Variants in RPN2 observed in about 807,000 individuals in gnomAD.
RPN2 encodes ribophorin II.
In RPN2, 29 loss-of-function variants were observed where a neutral mutation model predicts 71.4. The observed-to-expected ratio is 0.41, with a 90% confidence interval of 0.30 to 0.55. The LOEUF is 0.55. Among genes scored for constraint, RPN2 ranks in the 20% least tolerant of loss-of-function variants. RPN2 has a pLI of 0.35. For missense variants in RPN2, 726 were observed against 774.1 expected (o/e 0.94, Z 0.74); for synonymous variants, 308 against 305.0 (o/e 1.01, Z -0.10).
chr20:37,183,470 G>A (rs1031369043), intron 1 of RPN2, among the ~76,000 whole-genome samples: 7 of 152,070 alleles, frequency 4.6e-5, no homozygotes, highest in Admixed American at 3.9e-4. Flanking sequence ...CACCTGCCTC[G>A]GCCTCCCAAA....
chr20:37,179,763 G>A (rs1033574260), intron 1 of RPN2, among the ~76,000 whole-genome samples: 16 of 152,224 alleles, frequency 1.1e-4, no homozygotes, highest in Non-Finnish European at 2.1e-4. Context: ...GTCCTTCTTT[G>A]TGCTGTAGTT....
At chr20:37,228,459 A>C in intron 11 of RPN2, 91 bp from the exon 12 acceptor site, 1 of 1,278,800 alleles carries the variant, frequency 7.8e-7, no homozygotes, top group Non-Finnish European at 1.1e-6. Context: ...ACAAAGCGCT[A>C]ATAACCGTCT....
intron 1 of RPN2, among the ~76,000 whole-genome samples, chr20:37,182,929 A>T (rs1274167742): frequency 6.6e-6 from 1 of 152,172 alleles, no homozygotes; most frequent in Admixed American, 6.5e-5. Flanking sequence ...GGCATCATAG[A>T]TGGGGATTAA....
intron 2 of RPN2, among the ~76,000 whole-genome samples, chr20:37,196,927 C>T (rs972536771): frequency 1.3e-5 from 2 of 152,030 alleles, no homozygotes; most frequent in Non-Finnish European, 2.9e-5. Context: ...CAGTGTGGTA[C>T]GTGCTTTGGG....
chr20:37,210,634 G>A (rs149656978), intron 8 of RPN2, among the ~76,000 whole-genome samples: 17 of 150,390 alleles, frequency 1.1e-4, no homozygotes, highest in African/African-American at 4.2e-4. Flanking sequence ...GGATTCTAGC[G>A]ATTCTCCTGC....
intron 16 of RPN2, 95 bp downstream of exon 16, chr20:37,236,804 G>A: frequency 7.6e-7 from 1 of 1,309,346 alleles, no homozygotes. Context: ...AAAATGATTT[G>A]TGTTCTTAGG....
chr20:37,225,264 C>CT (rs2068049993), intron 10 of RPN2, among the ~76,000 whole-genome samples: 2 of 152,296 alleles, frequency 1.3e-5, no homozygotes, highest in South Asian at 4.1e-4. Flanking sequence ...TGTCTCCTAC[C>CT]TGCCTTGTCT....
At chr20:37,209,718 A>G (rs1198157268) in intron 7 of RPN2, among the ~76,000 whole-genome samples, 1 of 152,026 alleles carries the variant, frequency 6.6e-6, no homozygotes. Flanking sequence ...TTTGGCATCA[A>G]GTGATCCTCC....
chr20:37,198,860 A>G lies in RPN2; in HGVS notation c.304-190A>G, dbSNP rs1017520911. ...ATAAGTAGAAAGGTAACTTGTCAGC[A>G]TCTTTTCACATGGGAGTGTTGTACC... On this transcript the variant is annotated intron_variant, in intron 3 of 16. Transcript: ENST00000237530. 1.4e-4 allele frequency among the ~76,000 whole-genome samples: 22 copies of G among 152,266 alleles called. No homozygotes were observed. In the South Asian group the frequency reaches 1.4e-3, roughly 10 times the overall value.
intron 4 of RPN2, among the ~76,000 whole-genome samples, chr20:37,199,949 A>C (rs933653699): frequency 2.0e-5 from 3 of 151,812 alleles, no homozygotes; most frequent in African/African-American, 7.3e-5. Flanking sequence ...TTCCTACCTC[A>C]GCCTCCCGAG....
chr20:37,181,194 A>C (rs2066864267), intron 1 of RPN2, among the ~76,000 whole-genome samples: 1 of 150,766 alleles, frequency 6.6e-6, no homozygotes, highest in South Asian at 2.1e-4. Context: ...GCGCCACTGC[A>C]CTCCAGCCTG....
chr20:37,236,812 A>T, intron 16 of RPN2, 103 bp downstream of exon 16: 1 of 1,232,876 alleles, frequency 8.1e-7, no homozygotes, highest in Non-Finnish European at 1.2e-6. Context: ...TTGTGTTCTT[A>T]GGGGCAAGTC....
intron 9 of RPN2, among the ~76,000 whole-genome samples, chr20:37,222,189 A>T (rs1254766475): frequency 2.6e-5 from 4 of 152,192 alleles, no homozygotes; most frequent in African/African-American, 4.8e-5. Context: ...AAAGAGCCAA[A>T]GTGAGGCTCC....
chr20:37,238,862 A>G, intron 16 of RPN2: 1 of 522,134 alleles, frequency 1.9e-6, no homozygotes, highest in Non-Finnish European at 3.8e-6. Context: ...CACTGTTTCT[A>G]GACTTTTCTG....
chr20:37,229,029 G>A (rs7264313), intron 12 of RPN2, among the ~76,000 whole-genome samples: 5,117 of 152,264 alleles, frequency 0.034, 285 homozygotes, highest in African/African-American at 0.11. Context: ...CAGGAAGGCC[G>A]TTTTCATATT....
At position 37,204,842 on chromosome 20, in the gene RPN2, T is replaced by C. The variant is rs199571907; in HGVS notation, c.631T>C (p.Phe211Leu). The change falls in exon 6 of 17, where the codon TTT becomes CTT. Residue 211 changes from phenylalanine (F) to leucine (L), a missense_variant. Transcript: ENST00000237530. ...AGAAGGACTGGAAACAACAGCGTTA[T>C]TTGTGGCTGCCACCTACAAGCTCAT... ...FEEGLETTAL[F>L]VAATYKLMDH... is the part of the protein sequence containing the mutation. The C allele has an allele frequency of 1.9e-6, 3 of 1,614,184 alleles. No homozygotes were observed. Among genetic ancestry groups the C allele is most frequent in the East Asian group, 2.2e-5 (1 of 44,878 alleles).
intron 1 of RPN2, among the ~76,000 whole-genome samples, chr20:37,182,660 G>A (rs988326014): frequency 5.3e-5 from 8 of 152,262 alleles, no homozygotes; most frequent in Non-Finnish European, 8.8e-5. Flanking sequence ...CTCCCCAAGT[G>A]TTGGGATTAC....
chr20:37,196,879 G>C (rs532162365), intron 2 of RPN2, among the ~76,000 whole-genome samples: 1 of 152,302 alleles, frequency 6.6e-6, no homozygotes, highest in African/African-American at 2.4e-5. Context: ...CAAAGTCCCT[G>C]ATCTTGGGCC....
intron 2 of RPN2, among the ~76,000 whole-genome samples, chr20:37,194,541 C>T (rs1208150914): frequency 4.6e-5 from 7 of 152,192 alleles, no homozygotes; most frequent in Admixed American, 2.6e-4. Flanking sequence ...GGATCACAGG[C>T]GTGAGCCATC....
Sources: gnomAD v4.1 joint callset for allele counts (sites outside exome capture counted in the v4.1 genomes callset) on GRCh38, gnomAD v4.1.1 for gene constraint, MANE v1.5 for transcripts, NCBI Gene and HGNC (gene_info 2026-07-23, HGNC 2026-07-21) for gene names.